The following PSME4 variants were observed in gnomAD, a reference collection of about 807,000 sequenced individuals.
PSME4 encodes the protein proteasome activator complex subunit 4.
PSME4 carries 89 observed loss-of-function variants against 253.9 expected under a neutral mutation model. That is an observed-to-expected ratio of 0.35 (90% CI 0.30 to 0.42). The LOEUF is 0.42. Among genes scored for constraint, PSME4 ranks in the 10% least tolerant of loss-of-function variants. PSME4 has a pLI of 1.00. For synonymous variants in PSME4, 851 were observed against 759.2 expected, an observed-to-expected ratio of 1.12 and a Z score of -1.99; for missense variants, 2,014 against 2,195.2, an observed-to-expected ratio of 0.92 and a Z score of 1.65.
At chr2:53,951,620 T>C (rs568540625) in intron 1 of PSME4, among the ~76,000 whole-genome samples, 1 of 152,200 alleles carries the variant, frequency 6.6e-6, no homozygotes, top group Non-Finnish European at 1.5e-5. Context: ...CAGTACAGGT[T>C]GAATACCTTT....
At chr2:53,884,690 T>C (rs1679557501) in intron 41 of PSME4, among the ~76,000 whole-genome samples, 1 of 152,142 alleles carries the variant, frequency 6.6e-6, no homozygotes, top group South Asian at 2.1e-4. Flanking sequence ...CTATATCCGC[T>C]TGGTATGTGA....
intron 2 of PSME4, 82 bp downstream of exon 2, chr2:53,949,061 T>C: frequency 7.0e-7 from 1 of 1,421,422 alleles, no homozygotes; most frequent in Non-Finnish European, 9.2e-7. Flanking sequence ...TTGGTCTTCT[T>C]ACCAAAAACA....
At chr2:53,969,316 G>A (rs1670911427) in intron 1 of PSME4, among the ~76,000 whole-genome samples, 1 of 152,092 alleles carries the variant, frequency 6.6e-6, no homozygotes, top group African/African-American at 2.4e-5. Context: ...CAAATTACAT[G>A]TTTTAGTTTT....
intron 43 of PSME4, among the ~76,000 whole-genome samples, chr2:53,871,546 G>A (rs191352080): frequency 0.011 from 1,618 of 152,026 alleles, 27 homozygotes; most frequent in African/African-American, 0.036. Flanking sequence ...GAGCCACCAC[G>A]CCCGGCTATC....
chr2:53,872,978 C>G (rs936997536), intron 43 of PSME4, among the ~76,000 whole-genome samples: 2 of 151,526 alleles, frequency 1.3e-5, no homozygotes, highest in African/African-American at 4.8e-5. Flanking sequence ...TGGTGGCTCA[C>G]GACTGTAATC....
rs10599430 is a variant in PSME4, at chr2:53,876,716, C to CTTTTTTTTTTTTTTTTTT, written c.4816-979_4816-962dup. Reference sequence around the variant, plus strand: ...TCTGATGGCTGTAGCCACTGTCATTCTTTTTTTTTTTTTTTTTTTTGAGAC... The same window carrying CTTTTTTTTTTTTTTTTTT: ...TCTGATGGCTGTAGCCACTGTCATTCTTTTTTTTTTTTTTTTTTTTTTTTTTTTTTTTTTTTTTGAGAC... On this transcript the variant is annotated intron_variant, in intron 41 of 46. Transcript: ENST00000404125. Among the ~76,000 whole-genome samples, 31 of 97,842 alleles carry CTTTTTTTTTTTTTTTTTT rather than the reference C, an allele frequency of 3.2e-4. 2 individuals are homozygous for CTTTTTTTTTTTTTTTTTT. The highest frequency in any genetic ancestry group is 8.4e-4 in the East Asian group (2 of 2,392). 64.2% of individuals were successfully genotyped at this position (97,842 alleles called of 152,430 possible).
intron 38 of PSME4, chr2:53,888,347 C>T: frequency 4.3e-6 from 1 of 233,180 alleles, no homozygotes; most frequent in Admixed American, 5.2e-5. Flanking sequence ...GCACCATATG[C>T]CCCAAACAAG....
Position 53,901,251 on chromosome 2 carries a change from C to G in PSME4, c.3285+99G>C, listed in dbSNP as rs142883920. 7.4e-5 allele frequency: 84 copies of G among 1,129,644 alleles called. No individual in the cohort carries two copies. The East Asian group carries it at 1.8e-3, about 25-fold the overall frequency. 70.0% of individuals were successfully genotyped at this position (1,129,644 alleles called of 1,614,324 possible). On this transcript the variant is annotated intron_variant, in intron 28 of 46. Coordinates refer to ENST00000404125, the MANE Select transcript of PSME4 (RefSeq NM_014614.3). ...TTAAAAAAACACTGGACTCAAATGC[C>G]AAGAATATTATTACTGGAAAAAGGG...
chr2:53,915,204 G>A (rs760867426), intron 20 of PSME4, among the ~76,000 whole-genome samples: 14 of 152,174 alleles, frequency 9.2e-5, no homozygotes, highest in Non-Finnish European at 1.3e-4. Flanking sequence ...ACTTTTGGAT[G>A]TGGAGACAGG....
chr2:53,864,102 G>T lies in PSME4; in HGVS notation c.*1476C>A, dbSNP rs916355529. ...AATCCATTTATTGGGTTTTAAACTA[G>T]TTACACAACTGAAATCAGTTTGGCA... On this transcript the variant is annotated 3_prime_UTR_variant, in exon 47 of 47. Transcript: ENST00000404125. 1 of 152,182 alleles carries T rather than the reference G, an allele frequency of 6.6e-6. No homozygotes were observed. Among genetic ancestry groups the T allele is most frequent in the African/African-American group, 2.4e-5 (1 of 41,438 alleles). 9.4% of individuals were successfully genotyped at this position (152,182 alleles called of 1,614,324 possible). A position where few individuals can be genotyped will look rare whatever the true frequency, so the allele number is the denominator to read the frequency against.
chr2:53,904,622 T>C (rs1314350217), intron 26 of PSME4, among the ~76,000 whole-genome samples: 1 of 152,198 alleles, frequency 6.6e-6, no homozygotes, highest in Non-Finnish European at 1.5e-5. Context: ...CAATCTCACA[T>C]ATTTTTGACC....
intron 37 of PSME4, among the ~76,000 whole-genome samples, chr2:53,889,022 T>A (rs1481631463): frequency 6.6e-6 from 1 of 152,184 alleles, no homozygotes; most frequent in Non-Finnish European, 1.5e-5. Flanking sequence ...TGCGCCACTA[T>A]GCCTGGCTAA....
chr2:53,905,553 T>A (rs1329238791), intron 26 of PSME4, among the ~76,000 whole-genome samples: 1 of 151,954 alleles, frequency 6.6e-6, no homozygotes, highest in Non-Finnish European at 1.5e-5. Flanking sequence ...ATGAAAAAAA[T>A]TAGTCCAGCA....
At chr2:53,873,243 A>AAAAAAAAAAAAAAAAG (rs1553403170) in intron 43 of PSME4, among the ~76,000 whole-genome samples, 3 of 151,414 alleles carry the variant, frequency 2.0e-5, no homozygotes, top group African/African-American at 7.3e-5. Flanking sequence ...CGTCTCAAAA[A>AAAAAAAAAAAAAAAAG]AAAAGAAAAA....
chr2:53,892,700 T>C, intron 36 of PSME4, 108 bp downstream of exon 36: 1 of 1,042,482 alleles, frequency 9.6e-7, no homozygotes, highest in South Asian at 1.9e-5. Context: ...TTCATATCAC[T>C]GAAGATTTCA....
chr2:53,950,901 G>A (rs1008752843), intron 1 of PSME4, among the ~76,000 whole-genome samples: 1 of 150,918 alleles, frequency 6.6e-6, no homozygotes, highest in Non-Finnish European at 1.5e-5. Flanking sequence ...ACAAATCAGA[G>A]TATATTTAAG....
chr2:53,876,076 T>C (rs1445208762), intron 41 of PSME4, among the ~76,000 whole-genome samples: 3 of 152,176 alleles, frequency 2.0e-5, no homozygotes, highest in Non-Finnish European at 2.9e-5. Flanking sequence ...AATCATGTAA[T>C]GGACATCATC....
Position 53,864,852 on chromosome 2 carries a change from C to A in PSME4, c.*726G>T, listed in dbSNP as rs1193949960. On this transcript the variant is annotated 3_prime_UTR_variant, in exon 47 of 47. Coordinates refer to ENST00000404125, the MANE Select transcript of PSME4 (RefSeq NM_014614.3). ...AGTTGTAAAGAATACAGGGAAAAAA[C>A]AGCCAGTCAGGGTTTTTATTGTTGT... The A allele has an allele frequency of 6.6e-6, 1 of 152,568 alleles. No individual in the cohort carries two copies. The highest frequency in any genetic ancestry group is 1.5e-5 in the Non-Finnish European group (1 of 68,026). The allele number at this position is 152,568 out of a possible 1,614,324, so 9.5% of individuals were successfully genotyped here. A position where few individuals can be genotyped will look rare whatever the true frequency, so the allele number is the denominator to read the frequency against.
chr2:53,936,883 C>A, intron 5 of PSME4, 56 bp from the exon 6 acceptor site: 1 of 1,198,844 alleles, frequency 8.3e-7, no homozygotes, highest in South Asian at 1.4e-5. Context: ...GGTTCAATGC[C>A]AGCTATGCTT....
Sources: gnomAD v4.1 joint callset for allele counts (sites outside exome capture counted in the v4.1 genomes callset) on GRCh38, gnomAD v4.1.1 for gene constraint, MANE v1.5 for transcripts, NCBI Gene and HGNC (gene_info 2026-07-23, HGNC 2026-07-21) for gene names.